KLF13: variants seen among roughly 807,000 people sequenced by gnomAD.
KLF13 encodes Krueppel-like factor 13.
A neutral mutation model predicts 16.7 loss-of-function variants in KLF13; 8 were observed. That is an observed-to-expected ratio of 0.48 (90% CI 0.28 to 0.87). The LOEUF (loss-of-function observed/expected upper bound fraction) is 0.87. KLF13 is among the 40% of genes least tolerant of loss of function. KLF13 has a pLI of 0.10. For missense variants in KLF13, 447 were observed against 452.2 expected (o/e 0.99, Z 0.10); for synonymous variants, 245 against 208.4 (o/e 1.18, Z -1.51).
chr15:31,363,727 C>T (rs1021691149), intron 1 of KLF13, among the ~76,000 whole-genome samples: 3 of 152,198 alleles, frequency 2.0e-5, no homozygotes, highest in Admixed American at 1.3e-4. Flanking sequence ...CTCAGGTGAT[C>T]CTCCTGCCTC....
chr15:31,361,743 C>T (rs570613126), intron 1 of KLF13, among the ~76,000 whole-genome samples: 1 of 152,214 alleles, frequency 6.6e-6, no homozygotes, highest in Admixed American at 6.5e-5. Context: ...GGTGCTTGTT[C>T]GTGTCAAGAA....
chr15:31,359,207 C>T (rs997961851), intron 1 of KLF13, among the ~76,000 whole-genome samples: 4 of 152,284 alleles, frequency 2.6e-5, no homozygotes, highest in South Asian at 2.1e-4. Context: ...CTCGGGTGTG[C>T]GTGAAGGAGA....
chr15:31,383,728 G>A (rs1444681609), intron 1 of KLF13, among the ~76,000 whole-genome samples: 2 of 151,968 alleles, frequency 1.3e-5, no homozygotes, highest in Non-Finnish European at 2.9e-5. Flanking sequence ...GTGAAACCCC[G>A]TTTCTACTAA....
chr15:31,337,095 A>G (rs9920754), intron 1 of KLF13, among the ~76,000 whole-genome samples: 41,893 of 151,966 alleles, frequency 0.28, 6,999 homozygotes, highest in Non-Finnish European at 0.38. Context: ...ATGACTGTCC[A>G]TGTCTGGTTT....
At chr15:31,434,358 G>A (rs2040505223) in intron 1 of KLF13, among the ~76,000 whole-genome samples, 1 of 152,178 alleles carries the variant, frequency 6.6e-6, no homozygotes, top group Non-Finnish European at 1.5e-5. Flanking sequence ...CAGAGGAGGT[G>A]GCATTGAGCT....
chr15:31,419,765 GGCCCAA>G (rs2040299587), intron 1 of KLF13, among the ~76,000 whole-genome samples: 1 of 152,182 alleles, frequency 6.6e-6, no homozygotes, highest in Admixed American at 6.5e-5. Context: ...AAGAAATAAT[GGCCCAA>G]ACTTCCAAAT....
exon 3 of KLF13, chr15:31,404,301 GCTACCT>G (rs2040083108): frequency 6.6e-6 from 1 of 152,208 alleles, no homozygotes; most frequent in African/African-American, 2.4e-5. Context: ...TGGGTAGAAG[GCTACCT>G]CTACCAGCTG....
At chr15:31,392,529 C>G (rs34074085), upstream of KLF13, among the ~76,000 whole-genome samples, 170 of 152,356 alleles carry the variant, frequency 1.1e-3, no homozygotes, top group African/African-American at 4.1e-3. Flanking sequence ...ACGGCGCATC[C>G]TGGGTCCTCT....
intron 1 of KLF13, among the ~76,000 whole-genome samples, chr15:31,367,282 T>C (rs965655043): frequency 2.6e-5 from 4 of 152,172 alleles, no homozygotes; most frequent in Non-Finnish European, 5.9e-5. Flanking sequence ...GGCCGTCACC[T>C]CTCTGCAGCA....
rs2039650572 is a variant in KLF13 at position 31,376,608 on chromosome 15, C to G, written c.*4309C>G. 1 of 152,678 alleles carries G rather than the reference C, an allele frequency of 6.5e-6. No homozygotes were observed. The highest frequency in any genetic ancestry group is 1.5e-5 in the Non-Finnish European group (1 of 68,058). The allele number at this position is 152,678 out of a possible 1,614,324, so 9.5% of individuals were successfully genotyped here. A position where few individuals can be genotyped will look rare whatever the true frequency, so the allele number is the denominator to read the frequency against. ...TGATTCTGAGGCTCTGAAGGCTTGT[C>G]TGAGACACATTCCGGAGACCTTTGT... is the stretch of plus-strand genomic sequence containing the variant. On this transcript the variant is annotated 3_prime_UTR_variant, in exon 2 of 2. Coordinates refer to ENST00000307145, the MANE Select transcript of KLF13 (RefSeq NM_015995.4).
chr15:31,355,142 G>T (rs757208374), intron 1 of KLF13, among the ~76,000 whole-genome samples: 1 of 152,208 alleles, frequency 6.6e-6, no homozygotes, highest in Admixed American at 6.5e-5. Flanking sequence ...GAGATCAAAA[G>T]CAACAACAAC....
intron 1 of KLF13, among the ~76,000 whole-genome samples, chr15:31,353,969 A>G (rs1566813718): frequency 6.6e-6 from 1 of 152,286 alleles, no homozygotes; most frequent in East Asian, 1.9e-4. Flanking sequence ...GAGAGTCCCT[A>G]ACTCCCCTGA....
intron 1 of KLF13, among the ~76,000 whole-genome samples, chr15:31,328,706 A>G (rs932109940): frequency 6.6e-5 from 10 of 152,112 alleles, no homozygotes; most frequent in Non-Finnish European, 1.3e-4. Context: ...GCGCGGCCCG[A>G]TACTTTGTAG....
At position 31,377,547 on chromosome 15, in the gene KLF13, C is replaced by A. The variant is rs1419872302; in HGVS notation, c.*5248C>A. 6.6e-6 allele frequency: 1 copy of A among 152,660 alleles called. No homozygotes were observed. Among genetic ancestry groups the A allele is most frequent in the Admixed American group, 6.5e-5 (1 of 15,288 alleles). 9.5% of individuals were successfully genotyped at this position (152,660 alleles called of 1,614,324 possible). ...GCCATTGGTGGAGCTTCTCTGGAAT[C>A]ATTTGCCAAAAGCCCAAGGCAGAAT... On this transcript the variant is annotated 3_prime_UTR_variant, in exon 2 of 2. Transcript: ENST00000307145.
rs775960409 is a variant in KLF13 at position 31,376,364 on chromosome 15, T to G, written c.*4065T>G. 2.0e-5 allele frequency: 3 copies of G among 152,334 alleles called. No homozygotes were observed. Among genetic ancestry groups the G allele is most frequent in the Non-Finnish European group, 4.4e-5 (3 of 68,042 alleles). 9.4% of individuals were successfully genotyped at this position (152,334 alleles called of 1,614,324 possible). ...CTTTCCCCCATTTAAAAAAGGTCAT[T>G]TAGTCAAAGACACAGTGCTAGAGGT... On this transcript the variant is annotated 3_prime_UTR_variant, in exon 2 of 2. Transcript: ENST00000307145.
chr15:31,362,239 C>T (rs1442185790), intron 1 of KLF13, among the ~76,000 whole-genome samples: 2 of 152,166 alleles, frequency 1.3e-5, no homozygotes, highest in South Asian at 2.1e-4. Flanking sequence ...AGGTCTGACC[C>T]GTTCTAAACT....
chr15:31,430,664 C>T (rs2040461243), intron 1 of KLF13, among the ~76,000 whole-genome samples: 1 of 152,190 alleles, frequency 6.6e-6, no homozygotes, highest in African/African-American at 2.4e-5. Context: ...AAATTTCCAA[C>T]ATATACTTTC....
chr15:31,382,532 A>T (rs2039738605), downstream of KLF13, among the ~76,000 whole-genome samples: 1 of 152,216 alleles, frequency 6.6e-6, no homozygotes, highest in South Asian at 2.1e-4. Flanking sequence ...CAGGCCCAGA[A>T]GAGTGACAGG....
At chr15:31,397,390 C>A (rs2039968394) in intron 2 of KLF13, among the ~76,000 whole-genome samples, 1 of 152,234 alleles carries the variant, frequency 6.6e-6, no homozygotes. Flanking sequence ...CATTGCCGAC[C>A]ATTCTCAGGC....
Sources: allele counts gnomAD v4.1 joint callset (sites outside exome capture counted in the v4.1 genomes callset), GRCh38; gene constraint gnomAD v4.1.1; transcripts MANE v1.5; gene names NCBI Gene and HGNC (gene_info 2026-07-23, HGNC 2026-07-21).